Variants in RRP15 observed in about 807,000 individuals in gnomAD.
RRP15 encodes the protein ribosomal RNA processing 15 homolog.
Under a neutral mutation model 27.1 loss-of-function variants are expected in RRP15, and 18 were observed. The observed-to-expected ratio is 0.66, with a 90% CI of 0.46 to 0.98. The LOEUF is 0.98. Among genes scored for constraint, RRP15 ranks in the 50% least tolerant of loss-of-function variants. The pLI, the probability that RRP15 is intolerant of heterozygous loss-of-function variation, is 0.00. For synonymous variants in RRP15, 107 were observed against 109.4 expected (o/e 0.98, Z 0.14); for missense variants, 359 against 337.8 (o/e 1.06, Z -0.49).
chr1:218,304,987 A>AATAG, intron 2 of RRP15, 41 bp from the exon 3 acceptor site: 2 of 1,549,728 alleles, frequency 1.3e-6, no homozygotes, highest in Non-Finnish European at 8.9e-7. Context: ...CACTTTCAGA[A>AATAG]ATATCTAATA....
rs751452477 is a variant in RRP15, at chr1:218,309,682, CAAAAAAAAAAAAA to C, written c.705+2064_705+2076del. Reference sequence around the variant, plus strand: ...TGGGTGACAGAGAGAGACTCCATCTCAAAAAAAAAAAAAAAAAAAAAAAAAACATATTTATTAA... The same window carrying C: ...TGGGTGACAGAGAGAGACTCCATCTCAAAAAAAAAAAAACATATTTATTAA... On this transcript the variant is annotated intron_variant, in intron 4 of 4. Transcript: ENST00000366932. 8.0e-4 allele frequency among the ~76,000 whole-genome samples: 18 copies of C among 22,534 alleles called. No homozygotes were observed. In the South Asian group the frequency reaches 0.014, roughly 17 times the overall value. The allele number at this position is 22,534 out of a possible 152,430, so 14.8% of individuals were successfully genotyped here.
intron 4 of RRP15, among the ~76,000 whole-genome samples, chr1:218,324,367 G>A (rs559715266): frequency 5.7e-4 from 87 of 152,362 alleles, no homozygotes; most frequent in African/African-American, 2.0e-3. Flanking sequence ...GACGCGGCCG[G>A]CAGTGAGGTT....
Position 218,305,122 on chromosome 1 carries a change from C to A in RRP15, c.500C>A (p.Thr167Lys), listed in dbSNP as rs765294610. Residue 167 changes from threonine (T) to lysine (K), a missense_variant, in exon 3 of 5, where the codon ACA (threonine) becomes AAA (lysine). Physicochemically the swap from Thr to Lys is moderately conservative, Grantham distance 78. Coordinates refer to ENST00000366932, the MANE Select transcript of RRP15 (RefSeq NM_016052.4). ...ETERNLQRIA[T>K]RGVVQLFNAV... ...GAGAGAAATCTTCAGAGAATTGCAA[C>A]AAGGTAAGGTAGTGTTTTTGCCCTT... The A allele has an allele frequency of 3.1e-6, 5 of 1,609,314 alleles. No individual in the cohort carries two copies. The highest frequency in any genetic ancestry group is 3.3e-5 in the Admixed American group (2 of 59,998).
At position 218,307,476 on chromosome 1, in the gene RRP15, T is replaced by C. The variant is rs1655917025; in HGVS notation, c.549T>C (p.Asn183=). 6.2e-7 allele frequency: 1 copy of C among 1,613,952 alleles called. No individual in the cohort carries two copies. The part of the protein sequence containing the change: ...LFNAVQKHQK[N]VDEKVKEAGS... Reference sequence around the variant, plus strand: ...ATGCTGTTCAGAAACATCAAAAGAATGTTGATGAAAAGGTTAAGGAAGCTG... The same window carrying C: ...ATGCTGTTCAGAAACATCAAAAGAACGTTGATGAAAAGGTTAAGGAAGCTG... Residue 183 remains asparagine (N), a synonymous_variant, in exon 4 of 5, where the codon AAT becomes AAC. Coordinates refer to ENST00000366932, the MANE Select transcript of RRP15 (RefSeq NM_016052.4).
At position 218,332,279 on chromosome 1, in the gene RRP15, G is replaced by C. The variant is rs1230541328; in HGVS notation, c.*1188G>C. 1 of 152,120 alleles carries C rather than the reference G, an allele frequency of 6.6e-6. No individual in the cohort carries two copies. The highest frequency in any genetic ancestry group is 1.5e-5 in the Non-Finnish European group (1 of 68,032). The allele number at this position is 152,120 out of a possible 1,614,324, so 9.4% of individuals were successfully genotyped here. Reference sequence around the variant, plus strand: ...CAGCAGAATATTGCATCCAATTTGAGACTTGATTCCATATTATTGCCTTAA... The same window carrying C: ...CAGCAGAATATTGCATCCAATTTGACACTTGATTCCATATTATTGCCTTAA... On this transcript the variant is annotated 3_prime_UTR_variant, in exon 5 of 5. Transcript: ENST00000366932.
chr1:218,321,279 C>T (rs1395538015), intron 4 of RRP15, among the ~76,000 whole-genome samples: 1 of 152,164 alleles, frequency 6.6e-6, no homozygotes, highest in Non-Finnish European at 1.5e-5. Context: ...ATGCAGTTTT[C>T]GTTAAGTTCT....
chr1:218,285,561 C>T (rs1252491243), intron 1 of RRP15, 106 bp downstream of exon 1: 24 of 1,461,904 alleles, frequency 1.6e-5, no homozygotes, highest in Non-Finnish European at 2.3e-5. Context: ...TGGGTTTTAT[C>T]TTGGCACCAC....
In RRP15 at chr1:218,331,938, A is replaced by G. The variant is rs1656377792; in HGVS notation, c.*847A>G. 6.6e-6 allele frequency: 1 copy of G among 152,016 alleles called. No homozygotes were observed. 9.4% of individuals were successfully genotyped at this position (152,016 alleles called of 1,614,324 possible). On this transcript the variant is annotated 3_prime_UTR_variant, in exon 5 of 5. Coordinates refer to ENST00000366932, the MANE Select transcript of RRP15 (RefSeq NM_016052.4). The stretch of plus-strand genomic sequence containing the variant: ...CGTGATCCACCCGCCTCGGCCTCCC[A>G]AAGTGCTGGGATTACAGGCGTGAGC...
chr1:218,337,363 T>C lies in RRP15; in HGVS notation c.*6272T>C, dbSNP rs192878630. Reference sequence around the variant, plus strand: ...TCTGGAAACCTTCCTCAGGAAAAGATTCTGATGACAGAAAATGCTGTGTGA... The same window carrying C: ...TCTGGAAACCTTCCTCAGGAAAAGACTCTGATGACAGAAAATGCTGTGTGA... On this transcript the variant is annotated 3_prime_UTR_variant, in exon 5 of 5. Coordinates refer to ENST00000366932, the MANE Select transcript of RRP15 (RefSeq NM_016052.4). 2 of 152,318 alleles carry C rather than the reference T, an allele frequency of 1.3e-5. No individual in the cohort carries two copies. Among genetic ancestry groups the C allele is most frequent in the East Asian group, 3.9e-4 (2 of 5,188 alleles). 9.4% of individuals were successfully genotyped at this position (152,318 alleles called of 1,614,324 possible).
intron 4 of RRP15, among the ~76,000 whole-genome samples, chr1:218,310,132 C>T (rs1041224793): frequency 1.3e-5 from 2 of 152,100 alleles, no homozygotes; most frequent in Non-Finnish European, 2.9e-5. Context: ...TAATATTTGC[C>T]ATTTTTTCTT....
chr1:218,306,418 G>A (rs1350278963), intron 3 of RRP15, among the ~76,000 whole-genome samples: 2 of 152,040 alleles, frequency 1.3e-5, no homozygotes, highest in African/African-American at 4.8e-5. Flanking sequence ...CTCTTTGTCG[G>A]GGGGAGATGT....
rs771962172 is a variant in RRP15 at position 218,330,942 on chromosome 1, C to T, written c.706-6C>T. The T allele has an allele frequency of 6.2e-6, 10 of 1,608,404 alleles. No homozygotes were observed. In the South Asian group the frequency reaches 1.1e-4, roughly 18 times the overall value. On this transcript the variant is annotated splice_region_variant and splice_polypyrimidine_tract_variant and intron_variant, in intron 4 of 4. Transcript: ENST00000366932. Reference sequence around the variant, plus strand: ...TTGAATATTTTGATTCTATAATTTTCCTTAGACTGAAGTGAAATCAGAAGA... The same window carrying T: ...TTGAATATTTTGATTCTATAATTTTTCTTAGACTGAAGTGAAATCAGAAGA...
intron 1 of RRP15, among the ~76,000 whole-genome samples, chr1:218,300,440 T>C (rs1655794419): frequency 6.6e-6 from 1 of 152,192 alleles, no homozygotes; most frequent in African/African-American, 2.4e-5. Context: ...TTTTGTTTCA[T>C]GAATTTTCAG....
intron 4 of RRP15, among the ~76,000 whole-genome samples, chr1:218,309,576 A>G (rs578180087): frequency 2.4e-4 from 36 of 148,708 alleles, no homozygotes; most frequent in Non-Finnish European, 4.7e-4. Flanking sequence ...CCAGCTAATC[A>G]GGAGGCTGAG....
At chr1:218,309,599 C>A (rs1655958031) in intron 4 of RRP15, among the ~76,000 whole-genome samples, 1 of 141,554 alleles carries the variant, frequency 7.1e-6, no homozygotes, top group South Asian at 2.2e-4. Flanking sequence ...GGGAGAATCT[C>A]TTGAACCCGG....
chr1:218,317,728 T>TC (rs1656112540), intron 4 of RRP15, among the ~76,000 whole-genome samples: 1 of 53,352 alleles, frequency 1.9e-5, no homozygotes, highest in African/African-American at 6.8e-5. Flanking sequence ...CCCACACCCT[T>TC]TTTTTTTTTT....
chr1:218,325,104 TCTCA>T (rs1402441546), intron 4 of RRP15, among the ~76,000 whole-genome samples: 8 of 152,198 alleles, frequency 5.3e-5, no homozygotes, highest in African/African-American at 1.9e-4. Flanking sequence ...CTTGGTTCAC[TCTCA>T]CTCTTTTGGT....
intron 1 of RRP15, among the ~76,000 whole-genome samples, chr1:218,288,107 C>T (rs1655578605): frequency 6.6e-6 from 1 of 152,174 alleles, no homozygotes; most frequent in South Asian, 2.1e-4. Flanking sequence ...TATTTGTAGG[C>T]AGCAGGGAGC....
chr1:218,323,254 G>A (rs1441199316), intron 4 of RRP15, among the ~76,000 whole-genome samples: 1 of 152,154 alleles, frequency 6.6e-6, no homozygotes, highest in African/African-American at 2.4e-5. Context: ...TTTTAGCCCC[G>A]CCGTTCGGCA....
Sources: allele counts gnomAD v4.1 joint callset (sites outside exome capture counted in the v4.1 genomes callset), GRCh38; gene constraint gnomAD v4.1.1; transcripts MANE v1.5; gene names NCBI Gene and HGNC (gene_info 2026-07-23, HGNC 2026-07-21).